Variants in OPCML observed in about 807,000 individuals in gnomAD.
OPCML encodes opioid-binding protein/cell adhesion molecule.
In OPCML, 13 loss-of-function variants were observed where a neutral mutation model predicts 37.8. The observed-to-expected ratio is 0.34, with a 90% CI of 0.22 to 0.55. The LOEUF (loss-of-function observed/expected upper bound fraction) is 0.55. Ranked by LOEUF, OPCML falls within the 20% of genes least tolerant of loss-of-function variation. The pLI is 0.91. For missense variants in OPCML, 341 were observed against 435.6 expected (o/e 0.78, Z 1.93); for synonymous variants, 176 against 168.8 (o/e 1.04, Z -0.33).
rs975133605 is a variant in OPCML at position 132,588,135 on chromosome 11, A to T, written c.380-58949T>A. On this transcript the variant is annotated intron_variant, in intron 3 of 7. Transcript: ENST00000524381. ...ATAGCGACAATTGATTCTGATCACC[A>T]GGATCAGAATCCTGGTGGTAGGGCT... 2.0e-5 allele frequency among the ~76,000 whole-genome samples: 3 copies of T among 152,134 alleles called. 1 individual carries two copies. Among genetic ancestry groups the T allele is most frequent in the African/African-American group, 7.2e-5 (3 of 41,450 alleles).
At chr11:133,458,131 G>C (rs924885511) in intron 1 of OPCML, among the ~76,000 whole-genome samples, 2 of 151,008 alleles carry the variant, frequency 1.3e-5, no homozygotes, top group African/African-American at 4.9e-5. Context: ...GGGCAACAGA[G>C]CAAGACTCCA....
intron 2 of OPCML, among the ~76,000 whole-genome samples, chr11:132,850,126 C>T (rs1941737391): frequency 6.6e-6 from 1 of 151,640 alleles, no homozygotes; most frequent in African/African-American, 2.4e-5. Flanking sequence ...TTAGCCCTCC[C>T]TCTAAGTGAA....
At chr11:133,419,912 T>G (rs544452603) in intron 1 of OPCML, among the ~76,000 whole-genome samples, 1 of 152,226 alleles carries the variant, frequency 6.6e-6, no homozygotes, top group South Asian at 2.1e-4. Flanking sequence ...TTCTAACATG[T>G]GTTTTTGTTG....
intron 1 of OPCML, among the ~76,000 whole-genome samples, chr11:133,209,382 C>T (rs1214044871): frequency 2.0e-5 from 3 of 152,114 alleles, no homozygotes; most frequent in Admixed American, 6.5e-5. Context: ...TAAGAAAAGG[C>T]ACACTTCTCA....
intron 2 of OPCML, among the ~76,000 whole-genome samples, chr11:132,680,542 C>T (rs1942897603): frequency 6.6e-6 from 1 of 152,182 alleles, no homozygotes. Context: ...GAAAAAGGCC[C>T]TGGCTGCAGG....
chr11:132,739,894 C>T (rs746674645), intron 2 of OPCML, among the ~76,000 whole-genome samples: 1 of 152,086 alleles, frequency 6.6e-6, no homozygotes, highest in Non-Finnish European at 1.5e-5. Context: ...CACTTGGACT[C>T]GTTTTTGCTT....
At chr11:133,029,829 C>G (rs139833270) in intron 1 of OPCML, among the ~76,000 whole-genome samples, 26 of 149,792 alleles carry the variant, frequency 1.7e-4, no homozygotes, top group African/African-American at 5.9e-4. Context: ...ATTCTTGTAA[C>G]AAACCTGCAC....
At chr11:132,651,287 G>A (rs1033559941) in intron 3 of OPCML, among the ~76,000 whole-genome samples, 4 of 152,250 alleles carry the variant, frequency 2.6e-5, no homozygotes, top group South Asian at 2.1e-4. Flanking sequence ...AGTGTAACTC[G>A]GACAAATCAC....
intron 1 of OPCML, among the ~76,000 whole-genome samples, chr11:133,517,539 C>T (rs963895627): frequency 3.3e-5 from 5 of 152,196 alleles, no homozygotes; most frequent in Admixed American, 6.5e-5. Context: ...CCATACTTAC[C>T]GCTAGGGCGG....
chr11:133,271,689 T>C (rs1402191537), intron 1 of OPCML, among the ~76,000 whole-genome samples: 1 of 152,186 alleles, frequency 6.6e-6, no homozygotes, highest in Non-Finnish European at 1.5e-5. Flanking sequence ...CTCACCCCTA[T>C]GCAATATCAC....
intron 3 of OPCML, among the ~76,000 whole-genome samples, chr11:132,558,471 GTCCTCCTCCACTCC>G (rs1363639390): frequency 2.6e-4 from 6 of 23,250 alleles, no homozygotes; most frequent in Non-Finnish European, 4.3e-4. Flanking sequence ...TCCCCATCCT[GTCCTCCTCCACTCC>G]TCCTCCTCCC....
intron 3 of OPCML, among the ~76,000 whole-genome samples, chr11:132,604,897 T>C (rs1236512617): frequency 3.9e-5 from 6 of 152,190 alleles, no homozygotes; most frequent in Admixed American, 3.9e-4. Flanking sequence ...TCAGATGCTG[T>C]GGAGGCTTAA....
chr11:133,172,172 G>A (rs1340838865), intron 1 of OPCML, among the ~76,000 whole-genome samples: 1 of 152,164 alleles, frequency 6.6e-6, no homozygotes, highest in Admixed American at 6.5e-5. Flanking sequence ...ATTCAGTAGT[G>A]TGGTACCAAG....
chr11:132,852,045 G>T (rs1941832950), intron 2 of OPCML, among the ~76,000 whole-genome samples: 1 of 152,176 alleles, frequency 6.6e-6, no homozygotes, highest in African/African-American at 2.4e-5. Flanking sequence ...CCAGGTGAAA[G>T]GTGCCCTCTC....
At chr11:132,662,223 G>A (rs1006254830) in intron 2 of OPCML, among the ~76,000 whole-genome samples, 24 of 152,260 alleles carry the variant, frequency 1.6e-4, no homozygotes, top group African/African-American at 5.8e-4. Context: ...CCAAGAATGT[G>A]CATTTTCAAC....
chr11:132,587,275 C>T (rs1565687794), intron 3 of OPCML, among the ~76,000 whole-genome samples: 1 of 152,208 alleles, frequency 6.6e-6, no homozygotes, highest in Admixed American at 6.5e-5. Context: ...CACAAAGCAA[C>T]ATCAATAATA....
At chr11:133,075,666 A>G (rs1948610617) in intron 1 of OPCML, among the ~76,000 whole-genome samples, 1 of 152,158 alleles carries the variant, frequency 6.6e-6, no homozygotes, top group Non-Finnish European at 1.5e-5. Context: ...GAGATCTGAC[A>G]ATTTAATCAG....
chr11:133,141,027 C>CGAAGACGACGACGAA (rs1196961036), intron 1 of OPCML, among the ~76,000 whole-genome samples: 2 of 7,452 alleles, frequency 2.7e-4, no homozygotes, highest in African/African-American at 5.5e-4. Context: ...ACGACGACGA[C>CGAAGACGACGACGAA]GACGACGACG....
At chr11:132,845,657 T>G (rs547145259) in intron 2 of OPCML, among the ~76,000 whole-genome samples, 1 of 152,308 alleles carries the variant, frequency 6.6e-6, no homozygotes, top group East Asian at 1.9e-4. Context: ...CTCCCAGGTT[T>G]CTGTCTATTC....
Sources: gnomAD v4.1 joint callset for allele counts (sites outside exome capture counted in the v4.1 genomes callset) on GRCh38, gnomAD v4.1.1 for gene constraint, MANE v1.5 for transcripts, NCBI Gene and HGNC (gene_info 2026-07-23, HGNC 2026-07-21) for gene names.